Variants in KIAA0586 observed in about 807,000 individuals in gnomAD.
The protein encoded by KIAA0586 is protein TALPID3.
A neutral mutation model predicts 169.8 loss-of-function variants in KIAA0586; 144 were observed. That is an observed-to-expected ratio of 0.85 (90% CI 0.74 to 0.97). The LOEUF is 0.97. KIAA0586 is among the 50% of genes least tolerant of loss of function. KIAA0586 has a pLI of 0.00. For synonymous variants in KIAA0586, 625 were observed against 612.4 expected, an observed-to-expected ratio of 1.02 and a Z score of -0.30; for missense variants, 1,854 against 1,823.0, an observed-to-expected ratio of 1.02 and a Z score of -0.31.
Position 58,477,192 on chromosome 14 carries a change from T to C in KIAA0586, c.2895T>C (p.Ser965=). ...CAGTCCAGCAACAGATTGCACCTAG[T>C]ATCAGTGTTTCAGTCAGTGAGACAA... ...LFPVQQQIAP[S]ISVSVSETSE... is the part of the protein sequence containing the mutation. Residue 965 remains serine, a synonymous_variant, in exon 20 of 31, where the codon AGT becomes AGC. Transcript: ENST00000652326. 1 of 1,583,176 alleles carries C rather than the reference T, an allele frequency of 6.3e-7. No homozygotes were observed. The highest frequency in any genetic ancestry group is 8.6e-7 in the Non-Finnish European group (1 of 1,162,452).
intron 15 of KIAA0586, 129 bp from the exon 16 acceptor site, chr14:58,467,604 GGA>G (rs1369242969): frequency 1.5e-6 from 1 of 652,920 alleles, no homozygotes; most frequent in Non-Finnish European, 2.6e-6. Context: ...TGCTGATGAT[GGA>G]GGGAGGGGTG....
Position 58,549,339 on chromosome 14 carries a change from A to AT in KIAA0586, c.*1409dup, listed in dbSNP as rs948984857. On this transcript the variant is annotated 3_prime_UTR_variant, in exon 31 of 31. Transcript: ENST00000652326. ...ATCTTGGATGGGGTCCAGCATTGGT[A>AT]TTAAAAAAAAAAAAAGACCTTTTCA... The AT allele has an allele frequency of 6.6e-6, 1 of 151,816 alleles. No homozygotes were observed. Among genetic ancestry groups the AT allele is most frequent in the African/African-American group, 2.4e-5 (1 of 41,318 alleles). 9.4% of individuals were successfully genotyped at this position (151,816 alleles called of 1,614,324 possible).
downstream of KIAA0586, among the ~76,000 whole-genome samples, chr14:58,553,289 A>G (rs2047228285): frequency 6.6e-6 from 1 of 152,182 alleles, no homozygotes; most frequent in Non-Finnish European, 1.5e-5. Context: ...AAGCAGAGGT[A>G]TTCCTATGAT....
chr14:58,457,180 C>CAG (rs377669303), intron 10 of KIAA0586, among the ~76,000 whole-genome samples: 38 of 152,064 alleles, frequency 2.5e-4, no homozygotes, highest in African/African-American at 6.8e-4. Flanking sequence ...CTTTCTTCAG[C>CAG]AGAGAGAGAG....
intron 25 of KIAA0586, among the ~76,000 whole-genome samples, chr14:58,491,278 A>G (rs1231320564): frequency 6.6e-6 from 1 of 152,200 alleles, no homozygotes; most frequent in Non-Finnish European, 1.5e-5. Context: ...CTAAATTCTA[A>G]TGTTGATATT....
chr14:58,512,430 A>G (rs1398283182), intron 28 of KIAA0586, 92 bp from the exon 29 acceptor site: 5 of 684,806 alleles, frequency 7.3e-6, no homozygotes, highest in Non-Finnish European at 9.3e-6. Context: ...GCATATTATT[A>G]AAATTTTATA....
At chr14:58,514,855 T>G in intron 29 of KIAA0586, among the ~76,000 whole-genome samples, 1 of 152,102 alleles carries the variant, frequency 6.6e-6, no homozygotes, top group Middle Eastern at 3.2e-3. Context: ...ATTTGAATGG[T>G]CATTTCTATT....
rs369775109 is a variant in KIAA0586 at position 58,450,791 on chromosome 14, C to A, written c.1129+45C>A. The A allele has an allele frequency of 3.8e-6, 5 of 1,302,676 alleles. No homozygotes were observed. In the African/African-American group the frequency reaches 5.9e-5, roughly 15 times the overall value. 80.7% of individuals were successfully genotyped at this position (1,302,676 alleles called of 1,614,324 possible). A position where few individuals can be genotyped will look rare whatever the true frequency, so the allele number is the denominator to read the frequency against. ...GACCTATCCCAAATTAGGAAATTGTCATGAGATTTTCTGTGCCTAGTAGTA... is the reference window on the plus strand; with the variant it reads ...GACCTATCCCAAATTAGGAAATTGTAATGAGATTTTCTGTGCCTAGTAGTA... On this transcript the variant is annotated intron_variant, in intron 8 of 30. Transcript: ENST00000652326.
At chr14:58,532,036 G>A (rs1030587226) in intron 29 of KIAA0586, among the ~76,000 whole-genome samples, 2 of 152,064 alleles carry the variant, frequency 1.3e-5, no homozygotes, top group East Asian at 1.9e-4. Context: ...GGCCTGTCGG[G>A]GGGTGGGGGA....
intron 9 of KIAA0586, 114 bp downstream of exon 9, chr14:58,453,587 A>G: frequency 1.5e-6 from 1 of 677,528 alleles, no homozygotes. Context: ...TTTATCTTAG[A>G]TTTAGTTACT....
rs1566794886 is a variant in KIAA0586, at chr14:58,444,195, TAC to T, written c.807+22_807+23del. ...ATTCAGGTATCTGTAATAAATCCAG[TAC>T]AGATTCCATAATCTTTTATCACTTG... On this transcript the variant is annotated intron_variant, in intron 6 of 30. Coordinates refer to ENST00000652326, the MANE Select transcript of KIAA0586 (RefSeq NM_001329943.3). 1 of 1,461,088 alleles carries T rather than the reference TAC, an allele frequency of 6.8e-7. No individual in the cohort carries two copies. Among genetic ancestry groups the T allele is most frequent in the East Asian group, 2.3e-5 (1 of 43,998 alleles). The allele number at this position is 1,461,088 out of a possible 1,614,324, so 90.5% of individuals were successfully genotyped here.
intron 7 of KIAA0586, 127 bp from the exon 8 acceptor site, chr14:58,450,452 A>G: frequency 1.6e-6 from 1 of 607,096 alleles, no homozygotes; most frequent in African/African-American, 1.9e-5. Flanking sequence ...TTATTTCTCT[A>G]CACTTAATAA....
intron 21 of KIAA0586, among the ~76,000 whole-genome samples, chr14:58,485,260 T>G (rs1595330316): frequency 6.6e-6 from 1 of 151,836 alleles, no homozygotes; most frequent in East Asian, 1.9e-4. Flanking sequence ...GGACAGACAG[T>G]TCATATACAT....
In KIAA0586 at chr14:58,448,423, C is replaced by T. The variant is rs1424135868; in HGVS notation, c.891C>T (p.Ser297=). The T allele has an allele frequency of 9.3e-6, 15 of 1,611,392 alleles. No homozygotes were observed. The East Asian group carries it at 1.1e-4, about 12-fold the overall frequency. ...CCTCCAGAGCAGTGGAAAAGTATTC[C>T]GTAAAACCAGAACACCCTAATCTTG... is the stretch of plus-strand genomic sequence containing the variant. ...MPSSRAVEKY[S]VKPEHPNLGS... Residue 297 remains serine (S), a synonymous_variant, in exon 7 of 31, where the codon TCC becomes TCT. Transcript: ENST00000652326.
chr14:58,455,883 C>A (rs1403870967), intron 9 of KIAA0586, among the ~76,000 whole-genome samples: 2 of 152,154 alleles, frequency 1.3e-5, no homozygotes, highest in African/African-American at 2.4e-5. Flanking sequence ...GAAGGCATGA[C>A]CTTCTAGATT....
At chr14:58,558,451 G>C in the KIAA0586 span, among the ~76,000 whole-genome samples, 1 of 152,140 alleles carries the variant, frequency 6.6e-6, no homozygotes, top group Admixed American at 6.5e-5. Context: ...AAGTCTTATA[G>C]CAGGAGAACA....
intron 5 of KIAA0586, among the ~76,000 whole-genome samples, chr14:58,443,700 G>A (rs547225055): frequency 6.6e-6 from 1 of 152,156 alleles, no homozygotes; most frequent in Non-Finnish European, 1.5e-5. Flanking sequence ...TGGGATTAGA[G>A]GTGTGAGCCA....
chr14:58,512,925 AG>A (rs1197110701), intron 29 of KIAA0586, among the ~76,000 whole-genome samples: 1 of 152,046 alleles, frequency 6.6e-6, no homozygotes, highest in Non-Finnish European at 1.5e-5. Context: ...ATCTGTATAT[AG>A]GTCTGTTTGA....
At chr14:58,494,127 TC>T (rs894462883) in intron 26 of KIAA0586, among the ~76,000 whole-genome samples, 1 of 151,894 alleles carries the variant, frequency 6.6e-6, no homozygotes, top group Non-Finnish European at 1.5e-5. Context: ...CTTTCATTTT[TC>T]CCCCCTCTCT....
Sources: allele counts gnomAD v4.1 joint callset (sites outside exome capture counted in the v4.1 genomes callset), GRCh38; gene constraint gnomAD v4.1.1; transcripts MANE v1.5; gene names NCBI Gene and HGNC (gene_info 2026-07-23, HGNC 2026-07-21).